COX10: variants seen among roughly 807,000 people sequenced by gnomAD.
The protein encoded by COX10 is cytochrome c oxidase assembly factor heme A:farnesyltransferase COX10.
COX10 carries 27 observed loss-of-function variants against 37.3 expected under a neutral mutation model. That is an observed-to-expected ratio of 0.72 (90% CI 0.53 to 1.00). The LOEUF is 1.00. COX10 is among the 50% of genes least tolerant of loss of function. The probability of loss-of-function intolerance (pLI) is 0.00; values close to 1 mark genes in which losing one functional copy is unlikely to be tolerated. For missense variants in COX10, 475 were observed against 563.2 expected, an observed-to-expected ratio of 0.84 and a Z score of 1.59; for synonymous variants, 222 against 229.1, an observed-to-expected ratio of 0.97 and a Z score of 0.28.
At chr17:14,087,571 G>A (rs552827975) in intron 3 of COX10, among the ~76,000 whole-genome samples, 34 of 152,128 alleles carry the variant, frequency 2.2e-4, no homozygotes, top group African/African-American at 7.7e-4. Flanking sequence ...GAGTTCGCTC[G>A]CATTTTAAGT....
At chr17:14,119,032 T>G (rs2142211476) in intron 4 of COX10, among the ~76,000 whole-genome samples, 1 of 152,332 alleles carries the variant, frequency 6.6e-6, no homozygotes, top group South Asian at 2.1e-4. Flanking sequence ...CAGTATTGTT[T>G]TCCATTTTTT....
intron 5 of COX10, among the ~76,000 whole-genome samples, chr17:14,176,379 C>A (rs1177732070): frequency 6.6e-6 from 1 of 152,190 alleles, no homozygotes; most frequent in African/African-American, 2.4e-5. Context: ...AACAGAAATA[C>A]ATTTCTGTTT....
intron 2 of COX10, among the ~76,000 whole-genome samples, chr17:14,075,728 C>T (rs1915128889): frequency 6.6e-6 from 1 of 152,102 alleles, no homozygotes; most frequent in Admixed American, 6.6e-5. Flanking sequence ...CTGTGGCTCA[C>T]ACCTGTAATC....
intron 4 of COX10, among the ~76,000 whole-genome samples, chr17:14,144,132 G>A (rs1404052206): frequency 2.0e-5 from 3 of 152,164 alleles, no homozygotes; most frequent in Middle Eastern, 6.3e-3. Context: ...CCCCCACCGT[G>A]TTGTGACCAG....
intron 1 of COX10, among the ~76,000 whole-genome samples, chr17:14,073,023 C>T (rs140978138): frequency 2.0e-5 from 3 of 152,202 alleles, no homozygotes; most frequent in East Asian, 1.9e-4. Context: ...AATAAGGAAA[C>T]GATAGAAACA....
chr17:14,121,572 T>G (rs139095091), intron 4 of COX10, among the ~76,000 whole-genome samples: 1,973 of 152,328 alleles, frequency 0.013, 19 homozygotes, highest in South Asian at 0.018. Flanking sequence ...CTTTTCTGTT[T>G]CGATTTCTTC....
intron 3 of COX10, among the ~76,000 whole-genome samples, chr17:14,080,351 CCA>C (rs1471522109): frequency 6.6e-6 from 1 of 151,340 alleles, no homozygotes; most frequent in Non-Finnish European, 1.5e-5. Context: ...GTAGCTGGGA[CCA>C]CAGGCACCTG....
At chr17:14,126,752 A>C (rs796230655) in intron 4 of COX10, among the ~76,000 whole-genome samples, 1 of 152,046 alleles carries the variant, frequency 6.6e-6, no homozygotes, top group African/African-American at 2.4e-5. Context: ...GAATTTGCTA[A>C]ATGTCCCTTT....
At chr17:14,158,467 CTT>C (rs1905099551) in intron 4 of COX10, among the ~76,000 whole-genome samples, 1 of 150,746 alleles carries the variant, frequency 6.6e-6, no homozygotes, top group South Asian at 2.1e-4. Flanking sequence ...TAGAATGTCA[CTT>C]ATTTGTCTTT....
intron 5 of COX10, among the ~76,000 whole-genome samples, chr17:14,190,554 C>T (rs967118290): frequency 1.3e-5 from 2 of 152,188 alleles, no homozygotes; most frequent in Non-Finnish European, 2.9e-5. Flanking sequence ...TCAAAATTCT[C>T]ATTCTGTTGG....
At position 14,069,620 on chromosome 17, in the gene COX10, G is replaced by T. The variant is rs755668780; in HGVS notation, c.15G>T (p.Pro5=). MAAS[P]HTLSSRLLTG... ...ACTCGTAAATTATGGCCGCATCTCCGCACACTCTCTCCTCACGCCTCCTGA... is the reference window on the plus strand; with the variant it reads ...ACTCGTAAATTATGGCCGCATCTCCTCACACTCTCTCCTCACGCCTCCTGA... Residue 5 remains proline, a synonymous_variant, in exon 1 of 7, where the codon CCG becomes CCT. Coordinates refer to ENST00000261643, the MANE Select transcript of COX10 (RefSeq NM_001303.4). 8.1e-6 allele frequency: 13 copies of T among 1,614,062 alleles called. No individual in the cohort carries two copies. The highest frequency in any genetic ancestry group is 4.4e-5 in the South Asian group (4 of 91,074).
chr17:14,156,437 C>T (rs1166438951), intron 4 of COX10, among the ~76,000 whole-genome samples: 1 of 152,058 alleles, frequency 6.6e-6, no homozygotes, highest in African/African-American at 2.4e-5. Flanking sequence ...CATCATGTAT[C>T]CAGGGTGGTC....
intron 3 of COX10, among the ~76,000 whole-genome samples, chr17:14,100,895 A>G (rs1382784548): frequency 2.0e-5 from 3 of 152,096 alleles, no homozygotes; most frequent in Non-Finnish European, 4.4e-5. Flanking sequence ...TTTAGGCTAG[A>G]AAATTATTTG....
At chr17:14,206,717 C>G in intron 6 of COX10, 93 bp from the exon 7 acceptor site, 1 of 1,518,032 alleles carries the variant, frequency 6.6e-7, no homozygotes, top group Non-Finnish European at 9.1e-7. Flanking sequence ...TTCTGAGGTG[C>G]CAGGCAGGCT....
intron 3 of COX10, among the ~76,000 whole-genome samples, chr17:14,083,214 T>C (rs1165525077): frequency 6.6e-6 from 1 of 152,228 alleles, no homozygotes; most frequent in African/African-American, 2.4e-5. Context: ...GATGAACTAA[T>C]TGAATTAAAG....
chr17:14,137,220 GT>G (rs1156361267), intron 4 of COX10, among the ~76,000 whole-genome samples: 3 of 150,942 alleles, frequency 2.0e-5, no homozygotes, highest in Admixed American at 6.6e-5. Flanking sequence ...ATTTCTAGAA[GT>G]TTTTTTCTAA....
At chr17:14,203,475 A>G (rs558021609) in intron 6 of COX10, among the ~76,000 whole-genome samples, 46 of 152,264 alleles carry the variant, frequency 3.0e-4, no homozygotes, top group African/African-American at 1.0e-3. Context: ...GATAAGCTAC[A>G]ACTGCCCCGT....
At position 14,207,891 on chromosome 17, in the gene COX10, A is replaced by T. The variant is rs1906758528; in HGVS notation, c.*678A>T. ...GTATGAGCATTTCAGAACTCCAAGG[A>T]GTCACAGGCATCTTTATAGTTCACG... On this transcript the variant is annotated 3_prime_UTR_variant, in exon 7 of 7. Transcript: ENST00000261643. The T allele has an allele frequency of 6.6e-6, 1 of 152,406 alleles. No homozygotes were observed. The highest frequency in any genetic ancestry group is 2.1e-4 in the South Asian group (1 of 4,832). The allele number at this position is 152,406 out of a possible 1,614,324, so 9.4% of individuals were successfully genotyped here.
intron 4 of COX10, among the ~76,000 whole-genome samples, chr17:14,139,998 A>G (rs1024940071): frequency 2.0e-5 from 3 of 152,192 alleles, no homozygotes; most frequent in Non-Finnish European, 2.9e-5. Flanking sequence ...TTGAATTGCC[A>G]TCTTTACAAG....
Sources: gnomAD v4.1 joint callset for allele counts (sites outside exome capture counted in the v4.1 genomes callset) on GRCh38, gnomAD v4.1.1 for gene constraint, MANE v1.5 for transcripts, NCBI Gene and HGNC (gene_info 2026-07-23, HGNC 2026-07-21) for gene names.